Variants in ANLN observed in about 807,000 individuals in gnomAD.
The protein encoded by ANLN is anillin, actin binding protein.
A neutral mutation model predicts 135.1 loss-of-function variants in ANLN; 59 were observed. The observed-to-expected ratio is 0.44, with a 90% confidence interval of 0.35 to 0.54. The LOEUF is 0.54. Among genes scored for constraint, ANLN ranks in the 20% least tolerant of loss-of-function variants. The pLI, the probability that ANLN is intolerant of heterozygous loss-of-function variation, is 0.00. For synonymous variants in ANLN, 406 were observed against 456.4 expected, an observed-to-expected ratio of 0.89 and a Z score of 1.41; for missense variants, 1,182 against 1,340.0, an observed-to-expected ratio of 0.88 and a Z score of 1.84.
intron 20 of ANLN, among the ~76,000 whole-genome samples, chr7:36,428,917 T>G (rs1013957108): frequency 1.3e-5 from 2 of 151,650 alleles, no homozygotes; most frequent in East Asian, 3.9e-4. Context: ...TAGCTGGGAC[T>G]ACAGGTGCAT....
intron 20 of ANLN, among the ~76,000 whole-genome samples, chr7:36,433,899 G>T (rs1583644076): frequency 6.6e-6 from 1 of 151,794 alleles, no homozygotes; most frequent in Admixed American, 6.6e-5. Context: ...CTCTGCTGAA[G>T]TTCTCCATTT....
intron 8 of ANLN, 139 bp downstream of exon 8, chr7:36,416,023 T>C (rs1239862254): frequency 3.9e-6 from 3 of 761,862 alleles, no homozygotes; most frequent in African/African-American, 1.8e-5. Context: ...TTCTTTCTTT[T>C]TTCACTTTTC....
chr7:36,419,547 C>G, intron 10 of ANLN, 68 bp downstream of exon 10: 2 of 1,317,610 alleles, frequency 1.5e-6, no homozygotes, highest in Non-Finnish European at 2.1e-6. Context: ...TCTCCCCTTT[C>G]TTTTGTTGAC....
chr7:36,425,578 G>A, intron 17 of ANLN, 124 bp from the exon 18 acceptor site: 1 of 608,572 alleles, frequency 1.6e-6, no homozygotes, highest in South Asian at 2.6e-5. Context: ...ACAGGCGTGA[G>A]CCACTGCTCC....
At chr7:36,439,685 C>G (rs1252928593) in intron 21 of ANLN, among the ~76,000 whole-genome samples, 1 of 152,152 alleles carries the variant, frequency 6.6e-6, no homozygotes, top group African/African-American at 2.4e-5. Flanking sequence ...GAGAAGTGCT[C>G]CAGATAGGGG....
At chr7:36,416,019 CT>C (rs1787627149) in intron 8 of ANLN, 135 bp downstream of exon 8, 1 of 757,270 alleles carries the variant, frequency 1.3e-6, no homozygotes, top group South Asian at 2.4e-5. Flanking sequence ...GGTTTTCTTT[CT>C]TTTTTCACTT....
At chr7:36,411,981 C>T (rs1435123301) in intron 7 of ANLN, among the ~76,000 whole-genome samples, 3 of 152,078 alleles carry the variant, frequency 2.0e-5, no homozygotes, top group Non-Finnish European at 4.4e-5. Context: ...GCTAGCAAAG[C>T]CTGCTATGCT....
rs545280964 is a variant in ANLN, at chr7:36,448,045, C to T, written c.3079-1620C>T. Among the ~76,000 whole-genome samples the T allele has an allele frequency of 6.6e-5, 10 of 152,130 alleles. 1 individual carries two copies. The highest frequency in any genetic ancestry group is 4.2e-4 in the South Asian group (2 of 4,818). ...TTTCTTTTTTTTTGAGACAGGGTCT[C>T]GCTCTGTTGCCCAGGCTGGAGTGCA... is the stretch of plus-strand genomic sequence containing the variant. On this transcript the variant is annotated intron_variant, in intron 22 of 23. Coordinates refer to ENST00000265748, the MANE Select transcript of ANLN (RefSeq NM_018685.5).
intron 20 of ANLN, among the ~76,000 whole-genome samples, chr7:36,432,096 C>A (rs1255789637): frequency 6.6e-6 from 1 of 152,242 alleles, no homozygotes; most frequent in South Asian, 2.1e-4. Flanking sequence ...GTGGTACACA[C>A]CTGTAGCCCT....
At chr7:36,397,478 C>A (rs1013763646) in intron 2 of ANLN, among the ~76,000 whole-genome samples, 2 of 152,120 alleles carry the variant, frequency 1.3e-5, no homozygotes, top group African/African-American at 4.8e-5. Context: ...TAATTGTAAA[C>A]TAGAAGAATT....
At chr7:36,452,249 A>G (rs768080991) in intron 23 of ANLN, among the ~76,000 whole-genome samples, 8 of 152,224 alleles carry the variant, frequency 5.3e-5, no homozygotes, top group African/African-American at 9.6e-5. Flanking sequence ...TCCTTTACCA[A>G]GTGTAATTAG....
chr7:36,397,127 T>G lies in ANLN; in HGVS notation c.172+708T>G, dbSNP rs377670174. On this transcript the variant is annotated intron_variant, in intron 2 of 23. Coordinates refer to ENST00000265748, the MANE Select transcript of ANLN (RefSeq NM_018685.5). ...ACTGTAAAATAAAATATAGAAAAAATTACAGAGGGCAAAACCAATGTTTTT... is the reference window on the plus strand; with the variant it reads ...ACTGTAAAATAAAATATAGAAAAAAGTACAGAGGGCAAAACCAATGTTTTT... Among the ~76,000 whole-genome samples the G allele has an allele frequency of 9.3e-5, 14 of 150,106 alleles. No homozygotes were observed. The East Asian group carries it at 2.7e-3, about 29-fold the overall frequency.
chr7:36,399,063 A>T lies in ANLN; in HGVS notation c.173-16A>T, dbSNP rs181560875. Reference sequence around the variant, plus strand: ...ATTACAAATTTGAATGTCTTTTTTCATCGTTTTTAATGTAGAGAAATCTTG... The same window carrying T: ...ATTACAAATTTGAATGTCTTTTTTCTTCGTTTTTAATGTAGAGAAATCTTG... On this transcript the variant is annotated splice_polypyrimidine_tract_variant and intron_variant, in intron 2 of 23. Transcript: ENST00000265748. 19 of 1,568,384 alleles carry T rather than the reference A, an allele frequency of 1.2e-5. No homozygotes were observed. The Admixed American group carries it at 2.1e-4, about 18-fold the overall frequency.
chr7:36,404,632 C>G (rs1787112206), intron 3 of ANLN, among the ~76,000 whole-genome samples: 2 of 152,160 alleles, frequency 1.3e-5, no homozygotes, highest in Non-Finnish European at 2.9e-5. Context: ...AGAACTTTCA[C>G]CTTTTGACTT....
rs1789307446 is a variant in ANLN, at chr7:36,452,957, G to A, written c.*357G>A. On this transcript the variant is annotated 3_prime_UTR_variant, in exon 24 of 24. Transcript: ENST00000265748. ...GTCTTGAAGCAGCAACGTCTTTCAGGGGTTGGAGACAGAAACCCATTCTCC... is the reference window on the plus strand; with the variant it reads ...GTCTTGAAGCAGCAACGTCTTTCAGAGGTTGGAGACAGAAACCCATTCTCC... 1 of 163,232 alleles carries A rather than the reference G, an allele frequency of 6.1e-6. No homozygotes were observed. Among genetic ancestry groups the A allele is most frequent in the African/African-American group, 2.4e-5 (1 of 41,558 alleles). The allele number at this position is 163,232 out of a possible 1,614,324, so 10.1% of individuals were successfully genotyped here. A position where few individuals can be genotyped will look rare whatever the true frequency, so the allele number is the denominator to read the frequency against.
chr7:36,412,547 C>T (rs1019020569), intron 7 of ANLN, among the ~76,000 whole-genome samples: 3 of 151,868 alleles, frequency 2.0e-5, no homozygotes, highest in Non-Finnish European at 4.4e-5. Context: ...AGGCTGGTCT[C>T]GAACTCGTGA....
intron 22 of ANLN, among the ~76,000 whole-genome samples, chr7:36,447,447 C>T (rs1009678435): frequency 8.3e-6 from 1 of 120,560 alleles, no homozygotes; most frequent in Non-Finnish European, 1.6e-5. Flanking sequence ...TTTTCTGAGA[C>T]GGAGTCTCGC....
intron 21 of ANLN, among the ~76,000 whole-genome samples, chr7:36,440,732 G>A (rs567696691): frequency 3.3e-5 from 5 of 152,274 alleles, no homozygotes; most frequent in African/African-American, 1.2e-4. Flanking sequence ...TTAAGCCCAA[G>A]CCACAATTCA....
At chr7:36,396,494 T>G in intron 2 of ANLN, 75 bp downstream of exon 2, 1 of 1,429,754 alleles carries the variant, frequency 7.0e-7, no homozygotes, top group Non-Finnish European at 9.4e-7. Context: ...AACATTTCAT[T>G]AGCATATAGA....
Sources: allele counts gnomAD v4.1 joint callset (sites outside exome capture counted in the v4.1 genomes callset), GRCh38; gene constraint gnomAD v4.1.1; transcripts MANE v1.5; gene names NCBI Gene and HGNC (gene_info 2026-07-23, HGNC 2026-07-21).